The following IPO7 variants were observed in gnomAD, a reference collection of about 807,000 sequenced individuals.
IPO7 encodes the protein importin 7.
A neutral mutation model predicts 136.4 loss-of-function variants in IPO7; 13 were observed. That is an observed-to-expected ratio of 0.10 (90% CI 0.06 to 0.15). The LOEUF is 0.15. Ranked by LOEUF, IPO7 falls within the 10% of genes least tolerant of loss-of-function variation. IPO7 has a pLI of 1.00. For synonymous variants in IPO7, 403 were observed against 404.4 expected (o/e 1.00, Z 0.04); for missense variants, 857 against 1,240.6 (o/e 0.69, Z 4.65).
At chr11:9,387,710 A>T (rs1454880601) in intron 1 of IPO7, among the ~76,000 whole-genome samples, 1 of 151,748 alleles carries the variant, frequency 6.6e-6, no homozygotes, top group Non-Finnish European at 1.5e-5. Flanking sequence ...GCATGCTTGT[A>T]ATCCCAGCTA....
rs1331941559 is a variant in IPO7, at chr11:9,436,916, C to T, written c.2268+550C>T. Among the ~76,000 whole-genome samples, 4 of 116,020 alleles carry T rather than the reference C, an allele frequency of 3.4e-5. No homozygotes were observed. In the Admixed American group the frequency reaches 4.2e-4, roughly 12 times the overall value. The allele number at this position is 116,020 out of a possible 152,430, so 76.1% of individuals were successfully genotyped here. A position where few individuals can be genotyped will look rare whatever the true frequency, so the allele number is the denominator to read the frequency against. On this transcript the variant is annotated intron_variant, in intron 20 of 24. Coordinates refer to ENST00000379719, the MANE Select transcript of IPO7 (RefSeq NM_006391.3). ...TTTTTTTTTTTTTGAGACGCTGTCT[C>T]GCCCTGTCGCCTAGGCTGGAGTGCA...
At chr11:9,397,912 A>G (rs1854738944) in intron 1 of IPO7, among the ~76,000 whole-genome samples, 1 of 152,260 alleles carries the variant, frequency 6.6e-6, no homozygotes. Flanking sequence ...ATTGAGACTT[A>G]GATTTACTGA....
At chr11:9,412,889 A>ATTT (rs1163764184) in intron 4 of IPO7, among the ~76,000 whole-genome samples, 77 of 126,336 alleles carry the variant, frequency 6.1e-4, no homozygotes, top group African/African-American at 1.8e-3. Flanking sequence ...TGATTGATTG[A>ATTT]TTTTTTTTTT....
In IPO7 at chr11:9,384,710, CTA is replaced by C. The variant is rs1854524577; in HGVS notation, c.-52_-51del. The stretch of plus-strand genomic sequence containing the variant: ...GGGTCCATGTGCGCAGTGAGTGGCG[CTA>C]TTCCTGGCCCAGTAGCACCCGAGCC... On this transcript the variant is annotated 5_prime_UTR_variant, in exon 1 of 25. It removes the in-frame stop codon of an upstream open reading frame in the 5' UTR. Transcript: ENST00000379719. 3.5e-6 allele frequency: 5 copies of C among 1,440,852 alleles called. No homozygotes were observed. The highest frequency in any genetic ancestry group is 3.8e-6 in the Non-Finnish European group (4 of 1,051,004). The allele number at this position is 1,440,852 out of a possible 1,614,324, so 89.3% of individuals were successfully genotyped here.
At chr11:9,391,060 G>A (rs1345447926) in intron 1 of IPO7, among the ~76,000 whole-genome samples, 2 of 152,142 alleles carry the variant, frequency 1.3e-5, no homozygotes, top group East Asian at 3.9e-4. Context: ...ATGAATCACA[G>A]CGCCCGGCTG....
chr11:9,437,643 T>C, intron 20 of IPO7, 111 bp from the exon 21 acceptor site: 1 of 735,552 alleles, frequency 1.4e-6, no homozygotes, highest in Non-Finnish European at 2.2e-6. Flanking sequence ...TAAATATTGG[T>C]CATCTAATGC....
intron 16 of IPO7, among the ~76,000 whole-genome samples, chr11:9,432,048 C>T (rs1172219418): frequency 6.6e-6 from 1 of 152,106 alleles, no homozygotes; most frequent in Admixed American, 6.6e-5. Context: ...CACTTCCTAA[C>T]CCCTTTTCCC....
intron 2 of IPO7, 53 bp downstream of exon 2, chr11:9,403,424 A>C: frequency 2.2e-6 from 3 of 1,363,502 alleles, no homozygotes; most frequent in Non-Finnish European, 3.1e-6. Context: ...TAAAAGGTTC[A>C]TAATCGAATA....
chr11:9,429,424 A>T (rs1196947592), intron 14 of IPO7, among the ~76,000 whole-genome samples: 3 of 152,034 alleles, frequency 2.0e-5, no homozygotes, highest in Admixed American at 1.3e-4. Flanking sequence ...CAGGATCACT[A>T]GAGCCCGACG....
chr11:9,396,297 G>A (rs1376678057), intron 1 of IPO7, among the ~76,000 whole-genome samples: 1 of 152,128 alleles, frequency 6.6e-6, no homozygotes, highest in African/African-American at 2.4e-5. Flanking sequence ...TCAGGAAGCT[G>A]AGGCAGGAGA....
chr11:9,406,282 C>T (rs1016946305), intron 2 of IPO7, among the ~76,000 whole-genome samples: 4 of 151,770 alleles, frequency 2.6e-5, no homozygotes, highest in Non-Finnish European at 5.9e-5. Flanking sequence ...GGATCAAAGA[C>T]GTGAGCCACT....
At chr11:9,438,018 ACT>A in intron 21 of IPO7, 44 bp downstream of exon 21, 1 of 1,555,440 alleles carries the variant, frequency 6.4e-7, no homozygotes, top group Non-Finnish European at 8.7e-7. Context: ...TTTGGGAGGA[ACT>A]CTGCTTATTT....
At chr11:9,388,181 AT>A (rs200566610) in intron 1 of IPO7, among the ~76,000 whole-genome samples, 72 of 146,036 alleles carry the variant, frequency 4.9e-4, no homozygotes, top group Non-Finnish European at 5.6e-4. Flanking sequence ...AAATAAATAA[AT>A]TTTTTTTTTT....
chr11:9,391,881 C>T (rs891418645), intron 1 of IPO7, among the ~76,000 whole-genome samples: 8 of 152,218 alleles, frequency 5.3e-5, no homozygotes, highest in African/African-American at 1.9e-4. Flanking sequence ...ATCCTCCTGC[C>T]TTAGCCTCCC....
chr11:9,434,947 C>T lies in IPO7; in HGVS notation c.2088C>T (p.Leu696=). 6.3e-7 allele frequency: 1 copy of T among 1,582,996 alleles called. No homozygotes were observed. The highest frequency in any genetic ancestry group is 8.7e-7 in the Non-Finnish European group (1 of 1,152,438). Residue 696 remains leucine (L), a synonymous_variant, in exon 19 of 25, where the codon CTC becomes CTT. Coordinates refer to ENST00000379719, the MANE Select transcript of IPO7 (RefSeq NM_006391.3). The part of the protein sequence containing the change: ...GFDYFTDMMP[L]LHNYVTVDTD... ...TTATTAATACAGATATGATGCCCCT[C>T]CTTCATAATTATGTAACAGTTGATA...
intron 1 of IPO7, among the ~76,000 whole-genome samples, chr11:9,389,540 G>A (rs1226614715): frequency 2.0e-5 from 3 of 152,122 alleles, no homozygotes; most frequent in Non-Finnish European, 4.4e-5. Context: ...TACAATACAT[G>A]TGGTCAGTAC....
intron 1 of IPO7, among the ~76,000 whole-genome samples, chr11:9,395,322 C>T (rs1854692785): frequency 6.6e-6 from 1 of 152,074 alleles, no homozygotes; most frequent in African/African-American, 2.4e-5. Context: ...CGGCTCACTG[C>T]AGCCTCCACC....
At chr11:9,432,164 G>T (rs931546329) in intron 16 of IPO7, among the ~76,000 whole-genome samples, 2 of 150,690 alleles carry the variant, frequency 1.3e-5, no homozygotes. Context: ...CATGTTTTCT[G>T]CAAGTTGCCT....
chr11:9,403,603 G>C (rs1008749444), intron 2 of IPO7: 1 of 450,314 alleles, frequency 2.2e-6, no homozygotes, highest in African/African-American at 2.0e-5. Flanking sequence ...GAAATTGATG[G>C]GGTTTATTAA....
Sources: gnomAD v4.1 joint callset for allele counts (sites outside exome capture counted in the v4.1 genomes callset) on GRCh38, gnomAD v4.1.1 for gene constraint, MANE v1.5 for transcripts, NCBI Gene and HGNC (gene_info 2026-07-23, HGNC 2026-07-21) for gene names.